The following PDZD2 variants were observed in gnomAD, a reference collection of about 807,000 sequenced individuals.
PDZD2 encodes PDZ domain-containing protein 2.
A neutral mutation model predicts 220.7 loss-of-function variants in PDZD2; 90 were observed. The ratio of observed to expected loss-of-function variants is 0.41; its 90% CI spans 0.34 to 0.49. PDZD2 has a LOEUF of 0.49. PDZD2 is among the 20% of genes least tolerant of loss of function. The pLI, the probability that PDZD2 is intolerant of heterozygous loss-of-function variation, is 0.28. For synonymous variants in PDZD2, 1,375 were observed against 1,450.5 expected (o/e 0.95, Z 1.18); for missense variants, 3,174 against 3,608.5 (o/e 0.88, Z 3.08).
intron 1 of PDZD2, among the ~76,000 whole-genome samples, chr5:31,705,375 G>A (rs557805724): frequency 3.3e-5 from 5 of 152,226 alleles, no homozygotes; most frequent in East Asian, 1.9e-4. Context: ...GATAGAAAAC[G>A]AAGAGAAAAT....
chr5:31,797,878 G>A (rs16901570), intron 1 of PDZD2, among the ~76,000 whole-genome samples: 4 of 152,134 alleles, frequency 2.6e-5, no homozygotes, highest in Non-Finnish European at 5.9e-5. Flanking sequence ...TGTTTTCCAC[G>A]TTGGATGGCA....
At chr5:32,055,246 G>T (rs1339466554) in intron 10 of PDZD2, among the ~76,000 whole-genome samples, 1 of 152,062 alleles carries the variant, frequency 6.6e-6, no homozygotes, top group Non-Finnish European at 1.5e-5. Context: ...CTGTCATCCA[G>T]GCTGGAGTGC....
At chr5:31,785,671 G>T (rs1220446282) in intron 1 of PDZD2, among the ~76,000 whole-genome samples, 2 of 151,778 alleles carry the variant, frequency 1.3e-5, no homozygotes, top group Non-Finnish European at 2.9e-5. Context: ...GAATTCCTGG[G>T]CTCAAGTGAT....
chr5:32,087,322 C>T lies in PDZD2; in HGVS notation c.3874C>T (p.Pro1292Ser). The change falls in exon 20 of 25, where the codon CCG becomes TCG. Residue 1292 changes from proline (P) to serine (S), a missense_variant. Physicochemically the swap from Pro to Ser is moderately conservative, Grantham distance 74 (BLOSUM62 -1). Around this residue, in one of 4 missense-constraint regions of PDZD2, gnomAD observed 1,861 missense variants for 2,001.0 expected, o/e 0.93. Coordinates refer to ENST00000438447, the MANE Select transcript of PDZD2 (RefSeq NM_178140.4). This position sits in a 1 kb window ranked among gnomAD's most constrained non-coding sequence, Gnocchi z 4.0. The stretch of plus-strand genomic sequence containing the variant: ...GCTCCCCCATGAGGGCAGCCCCTCC[C>T]CGGGGGAGAAAGCAGCGGCTCCCCC... ...VRLPHEGSPS[P>S]GEKAAAPPDY... is the part of the protein sequence containing the mutation. The T allele has an allele frequency of 1.2e-6, 2 of 1,614,160 alleles. No individual in the cohort carries two copies. Among genetic ancestry groups the T allele is most frequent in the Non-Finnish European group, 1.7e-6 (2 of 1,179,986 alleles).
chr5:31,951,853 A>C (rs894283969), intron 2 of PDZD2, among the ~76,000 whole-genome samples: 3 of 152,220 alleles, frequency 2.0e-5, no homozygotes, highest in African/African-American at 7.2e-5. Flanking sequence ...TTGGAAAAAA[A>C]GTATGAAAAG....
chr5:32,004,832 G>T (rs1369899619), intron 5 of PDZD2, among the ~76,000 whole-genome samples: 1 of 152,208 alleles, frequency 6.6e-6, no homozygotes, highest in Non-Finnish European at 1.5e-5. Context: ...TTGGGTCCTC[G>T]TGGGGCTGAG....
intron 1 of PDZD2, among the ~76,000 whole-genome samples, chr5:31,712,354 G>A (rs1234927520): frequency 2.0e-5 from 3 of 152,184 alleles, no homozygotes; most frequent in African/African-American, 4.8e-5. Context: ...TGGGCTGGTC[G>A]AGAAGCCCTA....
chr5:31,978,679 C>T (rs1358242850), intron 2 of PDZD2, among the ~76,000 whole-genome samples: 1 of 142,504 alleles, frequency 7.0e-6, no homozygotes, highest in Non-Finnish European at 1.5e-5. Context: ...TGCACCGCTG[C>T]CCTCTAGCCT....
intron 14 of PDZD2, among the ~76,000 whole-genome samples, chr5:32,063,492 G>T (rs1739890646): frequency 6.6e-6 from 1 of 152,326 alleles, no homozygotes; most frequent in African/African-American, 2.4e-5. Flanking sequence ...AGGAGGCCCT[G>T]GGGGTGAATT....
At chr5:32,084,118 G>A (rs1459907093) in intron 19 of PDZD2, among the ~76,000 whole-genome samples, 1 of 152,262 alleles carries the variant, frequency 6.6e-6, no homozygotes, top group Non-Finnish European at 1.5e-5. Flanking sequence ...AAAAAAGGTT[G>A]AGCAGAGAAG....
intron 1 of PDZD2, among the ~76,000 whole-genome samples, chr5:31,682,136 C>T (rs42242): frequency 0.32 from 48,477 of 151,954 alleles, 7,878 homozygotes; most frequent in South Asian, 0.5. Context: ...GAGGCGAGAG[C>T]GAGGGTAGCA....
At chr5:31,834,162 C>A (rs1393962535) in intron 2 of PDZD2, among the ~76,000 whole-genome samples, 1 of 152,154 alleles carries the variant, frequency 6.6e-6, no homozygotes, top group Non-Finnish European at 1.5e-5. Context: ...GAGGAGGAAA[C>A]AACCAAAAAG....
intron 1 of PDZD2, among the ~76,000 whole-genome samples, chr5:31,661,783 TG>T (rs1314194209): frequency 1.0e-4 from 7 of 68,760 alleles, no homozygotes; most frequent in African/African-American, 2.2e-4. Context: ...GTTCCTCCCT[TG>T]GTTTTTTTTT....
At chr5:32,054,025 T>G in intron 10 of PDZD2, 142 bp downstream of exon 10, 1 of 597,568 alleles carries the variant, frequency 1.7e-6, no homozygotes, top group Non-Finnish European at 3.0e-6. Flanking sequence ...AACCTGAGCT[T>G]CACTTTCCCT....
intron 2 of PDZD2, among the ~76,000 whole-genome samples, chr5:31,865,347 C>T (rs558274526): frequency 6.6e-6 from 1 of 152,142 alleles, no homozygotes; most frequent in Admixed American, 6.5e-5. Flanking sequence ...AGGTCTTGCT[C>T]TTTGTCCCAG....
In PDZD2 at chr5:31,872,695, C is replaced by T. The variant is rs190867580; in HGVS notation, c.476+72971C>T. ...ATGGCTGCCCCCAAACTTGAAACAT[C>T]GGCATATTAGTCAGGGTTCTACAGA... On this transcript the variant is annotated intron_variant, in intron 2 of 24. Transcript: ENST00000438447. Among the ~76,000 whole-genome samples the T allele has an allele frequency of 7.9e-5, 12 of 152,192 alleles. No homozygotes were observed. The South Asian group carries it at 8.3e-4, about 11-fold the overall frequency.
chr5:31,857,275 G>A (rs149740071), intron 2 of PDZD2, among the ~76,000 whole-genome samples: 1 of 152,228 alleles, frequency 6.6e-6, no homozygotes, highest in Non-Finnish European at 1.5e-5. Flanking sequence ...TCCGCTTGCC[G>A]CTCTTGAGGC....
At chr5:31,805,496 G>A (rs910086267) in intron 2 of PDZD2, among the ~76,000 whole-genome samples, 3 of 152,140 alleles carry the variant, frequency 2.0e-5, no homozygotes, top group Non-Finnish European at 4.4e-5. Flanking sequence ...TCGGTTGATG[G>A]TTGCCTGTTC....
At chr5:32,026,384 C>T (rs982075177) in intron 6 of PDZD2, among the ~76,000 whole-genome samples, 2 of 152,116 alleles carry the variant, frequency 1.3e-5, no homozygotes, top group East Asian at 1.9e-4. Flanking sequence ...GCAATCCGCC[C>T]GCCTCCGCCT....
Sources: allele counts gnomAD v4.1 joint callset (sites outside exome capture counted in the v4.1 genomes callset), GRCh38; gene constraint gnomAD v4.1.1; regional missense constraint gnomAD v4.1.1; non-coding constraint Gnocchi (gnomAD v3.1); transcripts MANE v1.5; gene names NCBI Gene and HGNC (gene_info 2026-07-23, HGNC 2026-07-21).